The following LANCL1 variants were observed in gnomAD, a reference collection of about 807,000 sequenced individuals.
LANCL1 encodes LanC like glutathione S-transferase 1, also known as glutathione S-transferase LANCL1.
LANCL1 carries 50 observed loss-of-function variants against 50.6 expected under a neutral mutation model. That is an observed-to-expected ratio of 0.99 (90% CI 0.79 to 1.25). The LOEUF is 1.25. LANCL1 is among the 50% of genes most tolerant of loss of function. The pLI is 0.00. For missense variants in LANCL1, 532 were observed against 480.7 expected (o/e 1.11, Z -1.00); for synonymous variants, 188 against 178.6 (o/e 1.05, Z -0.42).
Position 210,434,552 on chromosome 2 carries a change from T to C in LANCL1, c.1135A>G (p.Thr379Ala). 1.2e-6 allele frequency: 2 copies of C among 1,613,314 alleles called. No homozygotes were observed. The highest frequency in any genetic ancestry group is 8.5e-7 in the Non-Finnish European group (1 of 1,179,550). The change falls in exon 10 of 10, where the codon ACA (threonine) becomes GCA (alanine). Residue 379 changes from threonine to alanine, a missense_variant. Physicochemically the swap from Thr to Ala is moderately conservative, Grantham distance 58. Coordinates refer to ENST00000450366, the MANE Select transcript of LANCL1 (RefSeq NM_006055.3). ...AGCAGGTCAGCCAGGAAATATATTG[T>C]TCCAGCCATTCCTGAAGAAAGAGAA... ...PFSLFEGMAGTIYFLADLLVP... is the reference protein window; with the variant it reads ...PFSLFEGMAGAIYFLADLLVP...
intron 2 of LANCL1, 46 bp downstream of exon 2, chr2:210,476,270 A>G (rs200167893): frequency 1.3e-4 from 189 of 1,436,770 alleles, no homozygotes; most frequent in Non-Finnish European, 1.8e-4. Flanking sequence ...CTTTCCGAAC[A>G]CCGTGGGGAG....
At chr2:210,476,585 C>A (rs1694387288) in intron 1 of LANCL1, 35 bp downstream of exon 1, 1 of 1,360,548 alleles carries the variant, frequency 7.3e-7, no homozygotes. Context: ...GGACATGGCG[C>A]CTTCGCGAAA....
chr2:210,456,245 A>C (rs1247521703), intron 3 of LANCL1, among the ~76,000 whole-genome samples: 1 of 152,186 alleles, frequency 6.6e-6, no homozygotes, highest in Non-Finnish European at 1.5e-5. Context: ...TTTTTAGAAG[A>C]CACAGAACCT....
intron 5 of LANCL1, 66 bp from the exon 6 acceptor site, chr2:210,440,810 G>T: frequency 6.8e-7 from 1 of 1,479,038 alleles, no homozygotes; most frequent in South Asian, 1.3e-5. Flanking sequence ...AGGAGGTAAA[G>T]ACTTTTTTGC....
chr2:210,438,479 TATAA>T (rs1693015922), intron 6 of LANCL1, among the ~76,000 whole-genome samples: 1 of 152,214 alleles, frequency 6.6e-6, no homozygotes, highest in African/African-American at 2.4e-5. Flanking sequence ...TCTACATACA[TATAA>T]ATAATTTTCC....
chr2:210,455,968 T>G (rs1693663523), intron 3 of LANCL1, among the ~76,000 whole-genome samples: 1 of 152,222 alleles, frequency 6.6e-6, no homozygotes, highest in South Asian at 2.1e-4. Flanking sequence ...CTTTGGTAAA[T>G]GTAATGTAAA....
At chr2:210,476,466 T>C in intron 1 of LANCL1, 54 bp from the exon 2 acceptor site, 3 of 1,431,298 alleles carry the variant, frequency 2.1e-6, no homozygotes, top group South Asian at 1.2e-5. Flanking sequence ...CTCGGCCGAG[T>C]TGCGAGGGCG....
chr2:210,436,548 T>C (rs1692941346), intron 7 of LANCL1, among the ~76,000 whole-genome samples, 156 bp from the exon 8 acceptor site: 1 of 152,180 alleles, frequency 6.6e-6, no homozygotes, highest in South Asian at 2.1e-4. Context: ...CTAGTGACAA[T>C]TACTAAAATC....
In LANCL1 at chr2:210,455,782, C is replaced by T. The variant is rs571213920; in HGVS notation, c.200-468G>A. ...GAATGAAAATTTCAATTTCTCTTTACGTAAAAGTTTGTTTTGTGTGTGTGT... is the reference window on the plus strand; with the variant it reads ...GAATGAAAATTTCAATTTCTCTTTATGTAAAAGTTTGTTTTGTGTGTGTGT... On this transcript the variant is annotated intron_variant, in intron 3 of 9. Coordinates refer to ENST00000450366, the MANE Select transcript of LANCL1 (RefSeq NM_006055.3). 9.5e-4 allele frequency among the ~76,000 whole-genome samples: 140 copies of T among 147,926 alleles called. 1 individual carries two copies. Among genetic ancestry groups the T allele is most frequent in the Non-Finnish European group, 1.0e-3 (68 of 67,306 alleles).
chr2:210,471,677 T>C (rs1166957288), intron 3 of LANCL1: 2 of 586,952 alleles, frequency 3.4e-6, no homozygotes, highest in Non-Finnish European at 6.4e-6. Context: ...AACTATGTAA[T>C]ATTGAAAATC....
intron 5 of LANCL1, 64 bp downstream of exon 5, chr2:210,441,244 G>A (rs1693121223): frequency 6.6e-7 from 1 of 1,515,408 alleles, no homozygotes. Flanking sequence ...ATAAACAATA[G>A]TTTAGGCAGA....
intron 4 of LANCL1, among the ~76,000 whole-genome samples, chr2:210,443,833 C>A (rs554450763): frequency 6.6e-6 from 1 of 152,258 alleles, no homozygotes; most frequent in South Asian, 2.1e-4. Context: ...TTATCAAAAT[C>A]TACACCAGAG....
intron 2 of LANCL1, among the ~76,000 whole-genome samples, chr2:210,473,615 A>AAAATAAAATCTTAAAAATCTTCTTG (rs1363577548): frequency 1.3e-5 from 2 of 152,166 alleles, no homozygotes; most frequent in Non-Finnish European, 2.9e-5. Flanking sequence ...AAATCTTAAC[A>AAAATAAAATCTTAAAAATCTTCTTG]CTGAAAACAG....
At chr2:210,434,723 G>A (rs545981371) in intron 9 of LANCL1, among the ~76,000 whole-genome samples, 160 bp from the exon 10 acceptor site, 29 of 151,996 alleles carry the variant, frequency 1.9e-4, no homozygotes, top group South Asian at 8.3e-4. Context: ...TGATGGCCTC[G>A]TCCCTAAGGT....
At chr2:210,465,788 C>G (rs1694036045) in intron 3 of LANCL1, among the ~76,000 whole-genome samples, 1 of 152,110 alleles carries the variant, frequency 6.6e-6, no homozygotes, top group African/African-American at 2.4e-5. Flanking sequence ...CAGACAAGTT[C>G]CCAGGTACGA....
intron 3 of LANCL1, among the ~76,000 whole-genome samples, chr2:210,462,728 A>G (rs1559718692): frequency 6.6e-6 from 1 of 152,212 alleles, no homozygotes; most frequent in Non-Finnish European, 1.5e-5. Flanking sequence ...AAATGCCTGT[A>G]AGTCTTCTCA....
chr2:210,474,790 T>C (rs1445343897), intron 2 of LANCL1, among the ~76,000 whole-genome samples: 1 of 148,400 alleles, frequency 6.7e-6, no homozygotes, highest in Non-Finnish European at 1.5e-5. Context: ...AGCATTTACT[T>C]TATAGGCAGT....
chr2:210,470,887 T>C (rs992841962), intron 3 of LANCL1, among the ~76,000 whole-genome samples: 3 of 152,058 alleles, frequency 2.0e-5, no homozygotes, highest in African/African-American at 7.2e-5. Context: ...CAAATTAAAA[T>C]TCCCTGGATT....
intron 7 of LANCL1, among the ~76,000 whole-genome samples, 171 bp downstream of exon 7, chr2:210,437,519 C>A (rs1204232373): frequency 1.3e-5 from 2 of 152,076 alleles, no homozygotes. Flanking sequence ...GAAACAATGG[C>A]TGCTATGGTA....
Sources: allele counts gnomAD v4.1 joint callset (sites outside exome capture counted in the v4.1 genomes callset), GRCh38; gene constraint gnomAD v4.1.1; transcripts MANE v1.5; gene names NCBI Gene and HGNC (gene_info 2026-07-23, HGNC 2026-07-21).